Variants in GPATCH2L observed in about 807,000 individuals in gnomAD.
GPATCH2L encodes G patch domain-containing protein 2-like.
Under a neutral mutation model 57.4 loss-of-function variants are expected in GPATCH2L, and 31 were observed. The ratio of observed to expected loss-of-function variants is 0.54; its 90% CI spans 0.41 to 0.73. The LOEUF is 0.73. Among genes scored for constraint, GPATCH2L ranks in the 30% least tolerant of loss-of-function variants. The pLI is 0.00. For missense variants in GPATCH2L, 481 were observed against 599.9 expected, an observed-to-expected ratio of 0.80 and a Z score of 2.07; for synonymous variants, 199 against 210.7, an observed-to-expected ratio of 0.94 and a Z score of 0.48.
chr14:76,156,729 A>G (rs113952484), intron 2 of GPATCH2L, among the ~76,000 whole-genome samples: 102 of 152,288 alleles, frequency 6.7e-4, no homozygotes, highest in Middle Eastern at 3.4e-3. Context: ...AGCTTTGTGT[A>G]TGTTTCTTCC....
At position 76,173,727 on chromosome 14, in the gene GPATCH2L, G is replaced by C. The variant is rs572862892; in HGVS notation, c.984+102G>C. On this transcript the variant is annotated intron_variant, in intron 5 of 9. Transcript: ENST00000261530. ...CAGAGGTGCTACAGAACTCCCTGAA[G>C]TTAATGGAGCCAACTGGAATGTGTT... 4.8e-5 allele frequency: 37 copies of C among 773,400 alleles called. No individual in the cohort carries two copies. The East Asian group carries it at 7.6e-4, about 16-fold the overall frequency. The allele number at this position is 773,400 out of a possible 1,614,324, so 47.9% of individuals were successfully genotyped here. A position where few individuals can be genotyped will look rare whatever the true frequency, so the allele number is the denominator to read the frequency against.
intron 2 of GPATCH2L, among the ~76,000 whole-genome samples, chr14:76,230,788 G>A (rs1273280612): frequency 1.3e-5 from 2 of 152,188 alleles, no homozygotes; most frequent in Admixed American, 6.5e-5. Context: ...TCATTAGCGT[G>A]GCTAGAGAAC....
chr14:76,192,142 G>A (rs995734420), intron 8 of GPATCH2L, among the ~76,000 whole-genome samples: 8 of 137,052 alleles, frequency 5.8e-5, no homozygotes, highest in Non-Finnish European at 1.2e-4. Flanking sequence ...TTTTTTAAAC[G>A]CCTGAATAGT....
At position 76,207,255 on chromosome 14, in the gene GPATCH2L, G is replaced by T. The variant is rs926125743; in HGVS notation, c.*5404G>T. On this transcript the variant is annotated 3_prime_UTR_variant, in exon 10 of 10. Transcript: ENST00000261530. ...CACTCAAGCCCAGGAGGTTGAGGGT[G>T]CAGTGAGCCATGATCTGGCCACTGC... 6.6e-6 allele frequency: 1 copy of T among 152,204 alleles called. No individual in the cohort carries two copies. The highest frequency in any genetic ancestry group is 6.5e-5 in the Admixed American group (1 of 15,280). The allele number at this position is 152,204 out of a possible 1,614,324, so 9.4% of individuals were successfully genotyped here.
At chr14:76,157,422 G>T (rs1206721313) in intron 2 of GPATCH2L, among the ~76,000 whole-genome samples, 1 of 152,212 alleles carries the variant, frequency 6.6e-6, no homozygotes, top group African/African-American at 2.4e-5. Context: ...CTGTCTTGAT[G>T]AGTTGATTCT....
intron 9 of GPATCH2L, 68 bp downstream of exon 9, chr14:76,196,040 A>T (rs1354829166): frequency 9.2e-7 from 1 of 1,082,064 alleles, no homozygotes; most frequent in Admixed American, 1.7e-5. Flanking sequence ...TGTGTTTTGT[A>T]TACCTTTTCA....
At chr14:76,185,429 G>C (rs913701829) in intron 8 of GPATCH2L, among the ~76,000 whole-genome samples, 1 of 152,160 alleles carries the variant, frequency 6.6e-6, no homozygotes, top group African/African-American at 2.4e-5. Flanking sequence ...TGATTGTGAA[G>C]GATAGTTTTT....
intron 1 of GPATCH2L, among the ~76,000 whole-genome samples, chr14:76,152,206 C>T (rs760697135): frequency 2.6e-5 from 4 of 152,172 alleles, no homozygotes; most frequent in African/African-American, 4.8e-5. Context: ...CCCCTCTTCC[C>T]CTTTCTTCTT....
intron 8 of GPATCH2L, among the ~76,000 whole-genome samples, chr14:76,191,984 C>T (rs1447641705): frequency 6.6e-6 from 1 of 152,056 alleles, no homozygotes; most frequent in Admixed American, 6.6e-5. Flanking sequence ...CTTTTTACTT[C>T]TATGAGATCA....
At position 76,212,441 on chromosome 14, in the gene GPATCH2L, G is replaced by A. The variant is rs765889261; in HGVS notation, c.*10590G>A. The A allele has an allele frequency of 6.6e-6, 1 of 151,552 alleles. No homozygotes were observed. The highest frequency in any genetic ancestry group is 1.5e-5 in the Non-Finnish European group (1 of 67,906). 9.4% of individuals were successfully genotyped at this position (151,552 alleles called of 1,614,324 possible). A position where few individuals can be genotyped will look rare whatever the true frequency, so the allele number is the denominator to read the frequency against. ...AAAAAAACCACGACATAATGCTAAA[G>A]GGTGTGACTCACGAGATAATGTTTC... is the stretch of plus-strand genomic sequence containing the variant. On this transcript the variant is annotated 3_prime_UTR_variant, in exon 10 of 10. Coordinates refer to ENST00000261530, the MANE Select transcript of GPATCH2L (RefSeq NM_017926.4).
intron 8 of GPATCH2L, among the ~76,000 whole-genome samples, chr14:76,190,114 A>ATT (rs58870720): frequency 3.5e-4 from 52 of 150,486 alleles, no homozygotes; most frequent in Admixed American, 5.3e-4. Flanking sequence ...TTCTCAAAGT[A>ATT]TTTTTTTTTC....
At chr14:76,231,651 T>A (rs200172313) in intron 2 of GPATCH2L, among the ~76,000 whole-genome samples, 2 of 56,712 alleles carry the variant, frequency 3.5e-5, no homozygotes, top group Non-Finnish European at 8.5e-5. Flanking sequence ...ACACACACAC[T>A]CTTCTGGTTA....
intron 9 of GPATCH2L, among the ~76,000 whole-genome samples, chr14:76,197,135 A>G (rs1221020487): frequency 1.3e-5 from 2 of 152,142 alleles, no homozygotes; most frequent in Non-Finnish European, 2.9e-5. Flanking sequence ...TGGTTGATAA[A>G]TTGCAGAGCC....
intron 8 of GPATCH2L, among the ~76,000 whole-genome samples, chr14:76,187,150 T>TA (rs1423262967): frequency 6.6e-6 from 1 of 151,892 alleles, no homozygotes; most frequent in Admixed American, 6.6e-5. Context: ...ACCTTAAAGG[T>TA]AAAATCACAT....
At chr14:76,201,218 A>C (rs2139825915) in intron 9 of GPATCH2L, among the ~76,000 whole-genome samples, 1 of 152,126 alleles carries the variant, frequency 6.6e-6, no homozygotes, top group East Asian at 1.9e-4. Flanking sequence ...TTTAGAGTCC[A>C]GTATGTGTGC....
At chr14:76,172,301 ATCC>A (rs1197860309) in intron 4 of GPATCH2L, among the ~76,000 whole-genome samples, 1 of 152,244 alleles carries the variant, frequency 6.6e-6, no homozygotes, top group Non-Finnish European at 1.5e-5. Context: ...ACAGCTGCTT[ATCC>A]TGATGTGAAA....
chr14:76,208,567 C>A lies in GPATCH2L; in HGVS notation c.*6716C>A, dbSNP rs541439052. 1.3e-5 allele frequency: 2 copies of A among 152,302 alleles called. No homozygotes were observed. Among genetic ancestry groups the A allele is most frequent in the East Asian group, 3.9e-4 (2 of 5,172 alleles). 9.4% of individuals were successfully genotyped at this position (152,302 alleles called of 1,614,324 possible). On this transcript the variant is annotated 3_prime_UTR_variant, in exon 10 of 10. Transcript: ENST00000261530. The stretch of plus-strand genomic sequence containing the variant: ...CGGGCAGAACTTCCCACTTAGACAC[C>A]CACACACACACACGCTTCCTTACCT...
intron 2 of GPATCH2L, among the ~76,000 whole-genome samples, chr14:76,159,205 G>A (rs1309167991): frequency 6.6e-6 from 1 of 152,174 alleles, no homozygotes; most frequent in Non-Finnish European, 1.5e-5. Flanking sequence ...GAGATGCTGC[G>A]ATTCTTTTCA....
chr14:76,231,907 T>C (rs1305488306), intron 2 of GPATCH2L, among the ~76,000 whole-genome samples: 3 of 6,616 alleles, frequency 4.5e-4, no homozygotes, highest in Non-Finnish European at 1.6e-3. Flanking sequence ...TAAATATATA[T>C]ATATAAAACA....
Sources: allele counts gnomAD v4.1 joint callset (sites outside exome capture counted in the v4.1 genomes callset), GRCh38; gene constraint gnomAD v4.1.1; transcripts MANE v1.5; gene names NCBI Gene and HGNC (gene_info 2026-07-23, HGNC 2026-07-21).